DOCK9: variants seen among roughly 807,000 people sequenced by gnomAD.
DOCK9 encodes dedicator of cytokinesis 9, also known as dedicator of cytokinesis protein 9.
Under a neutral mutation model 263.3 loss-of-function variants are expected in DOCK9, and 89 were observed. That is an observed-to-expected ratio of 0.34 (90% CI 0.28 to 0.40). The LOEUF is 0.40. DOCK9 is among the 10% of genes least tolerant of loss of function. The pLI, the probability that DOCK9 is intolerant of heterozygous loss-of-function variation, is 1.00. For missense variants in DOCK9, 2,140 were observed against 2,603.4 expected (o/e 0.82, Z 3.87); for synonymous variants, 976 against 973.1 (o/e 1.00, Z -0.06).
chr13:99,084,581 C>T (rs534199018), intron 1 of DOCK9, among the ~76,000 whole-genome samples: 23 of 152,336 alleles, frequency 1.5e-4, no homozygotes, highest in African/African-American at 5.1e-4. Context: ...AGTAGGCCAT[C>T]CTCCGATGGG....
intron 1 of DOCK9, among the ~76,000 whole-genome samples, chr13:99,006,834 G>A (rs1489208581): frequency 6.6e-6 from 1 of 152,198 alleles, no homozygotes; most frequent in Non-Finnish European, 1.5e-5. Flanking sequence ...GCTCACACCT[G>A]TAATCCCAGC....
intron 1 of DOCK9, among the ~76,000 whole-genome samples, chr13:98,984,199 A>G (rs1268303100): frequency 6.6e-6 from 1 of 152,222 alleles, no homozygotes; most frequent in Non-Finnish European, 1.5e-5. Flanking sequence ...AGAGCCAACC[A>G]AAGTTCTGTG....
Position 98,797,179 on chromosome 13 carries a change from T to C in DOCK9, c.6092A>G (p.Gln2031Arg). The change falls in exon 52 of 53, where the codon CAG becomes CGG. Residue 2031 changes from glutamine to arginine, a missense_variant. Physicochemically the swap from Gln to Arg is conservative, Grantham distance 43. Around this residue, in one of 2 missense-constraint regions of DOCK9, gnomAD observed 619 missense variants for 861.8 expected, o/e 0.72. Coordinates refer to ENST00000682017, the MANE Select transcript of DOCK9 (RefSeq NM_001366683.2). ...RLIKEDQLEY[Q>R]EEMKANYREM... ...CCTGTAGTTGGCTTTCATTTCTTCC[T>C]GATACTCGAGCTGGTCTTCTTTAAT... is the stretch of plus-strand genomic sequence containing the variant. 6.2e-7 allele frequency: 1 copy of C among 1,613,976 alleles called. No homozygotes were observed.
At chr13:98,917,117 T>A (rs1284837818) in intron 7 of DOCK9, among the ~76,000 whole-genome samples, 1 of 152,198 alleles carries the variant, frequency 6.6e-6, no homozygotes, top group Admixed American at 6.5e-5. Context: ...GAGACTTCCA[T>A]TGAAGTCAGA....
intron 9 of DOCK9, among the ~76,000 whole-genome samples, chr13:98,906,899 A>T (rs1247980201): frequency 6.6e-6 from 1 of 152,166 alleles, no homozygotes; most frequent in African/African-American, 2.4e-5. Context: ...TAAAAATGTT[A>T]AACAAGATGA....
rs188106105 is a variant in DOCK9, at chr13:99,008,374, T to C, written c.130-52823A>G. Among the ~76,000 whole-genome samples, 664 of 151,650 alleles carry C rather than the reference T, an allele frequency of 4.4e-3. 8 individuals are homozygous for C. The highest frequency in any genetic ancestry group is 0.018 in the Admixed American group (269 of 15,228). ...TCAGCCTCCCGAGTAGCTGGGATTA[T>C]AGGTGCCTGCCACCACACCCAGCTA... On this transcript the variant is annotated intron_variant, in intron 1 of 32. Transcript: ENST00000427887.
intron 44 of DOCK9, among the ~76,000 whole-genome samples, chr13:98,826,393 A>G (rs1207707036): frequency 1.3e-5 from 2 of 152,300 alleles, no homozygotes; most frequent in South Asian, 4.1e-4. Flanking sequence ...CCTCTGGGAG[A>G]TAAGGTTTCC....
chr13:98,823,655 C>G (rs897681568), intron 45 of DOCK9, among the ~76,000 whole-genome samples: 3 of 152,138 alleles, frequency 2.0e-5, no homozygotes, highest in African/African-American at 7.2e-5. Flanking sequence ...CACAAAGAAC[C>G]CTTCAGGCAG....
In DOCK9 at chr13:98,825,498, C is replaced by T. The variant is rs1442162976; in HGVS notation, c.5024-994G>A. On this transcript the variant is annotated intron_variant, in intron 44 of 52. Transcript: ENST00000682017. The surrounding 1 kb of genome is among the most constrained non-coding windows in gnomAD (Gnocchi z 4.1). ...TCTACACTATTCATGGATTATCCAG[C>T]ATCTGCCACTATCCCAGTTTAGTTT... is the stretch of plus-strand genomic sequence containing the variant. Among the ~76,000 whole-genome samples, 2 of 152,198 alleles carry T rather than the reference C, an allele frequency of 1.3e-5. No homozygotes were observed. Among genetic ancestry groups the T allele is most frequent in the Non-Finnish European group, 2.9e-5 (2 of 68,036 alleles).
intron 36 of DOCK9, 112 bp downstream of exon 36, chr13:98,849,935 A>T: frequency 1.3e-6 from 1 of 745,234 alleles, no homozygotes; most frequent in East Asian, 2.8e-5. Flanking sequence ...TTAAGGAGTA[A>T]GTGAGGATGT....
intron 1 of DOCK9, among the ~76,000 whole-genome samples, chr13:99,011,501 A>G (rs1884468128): frequency 6.6e-6 from 1 of 152,232 alleles, no homozygotes; most frequent in South Asian, 2.1e-4. Context: ...GTTCCTCATG[A>G]AAAGCACAAC....
chr13:98,929,469 G>C (rs2053575021), intron 3 of DOCK9, among the ~76,000 whole-genome samples: 1 of 152,056 alleles, frequency 6.6e-6, no homozygotes, highest in African/African-American at 2.4e-5. Flanking sequence ...CTTGAACCCA[G>C]GAGAGGCAGA....
intron 2 of DOCK9, among the ~76,000 whole-genome samples, chr13:98,952,718 A>G (rs2057586262): frequency 6.6e-6 from 1 of 152,238 alleles, no homozygotes; most frequent in Non-Finnish European, 1.5e-5. Flanking sequence ...GCTCAAGATC[A>G]ACATGTGCCT....
intron 15 of DOCK9, among the ~76,000 whole-genome samples, chr13:98,895,373 T>A (rs1595073749): frequency 1.3e-5 from 2 of 151,500 alleles, no homozygotes; most frequent in East Asian, 2.0e-4. Context: ...TAAAAAAAAA[T>A]GTTCCCCCCT....
At chr13:99,068,689 T>G (rs376771063) in intron 1 of DOCK9, among the ~76,000 whole-genome samples, 1 of 151,866 alleles carries the variant, frequency 6.6e-6, no homozygotes, top group African/African-American at 2.4e-5. Context: ...AAAAATCATT[T>G]AACAGCAGTT....
Position 98,800,416 on chromosome 13 carries a change from G to A in DOCK9, c.5788C>T (p.Leu1930=), listed in dbSNP as rs774718708. 7 of 1,613,892 alleles carry A rather than the reference G, an allele frequency of 4.3e-6. No homozygotes were observed. The South Asian group carries it at 6.6e-5, about 15-fold the overall frequency. Residue 1930 remains leucine, a synonymous_variant, in exon 50 of 53, where the codon CTG becomes TTG. Coordinates refer to ENST00000682017, the MANE Select transcript of DOCK9 (RefSeq NM_001366683.2). ...TCAATGGCCACCTCGATGGGGTTCA[G>A]GTCAGTGTGGTGCTGGTACATGACA... is the stretch of plus-strand genomic sequence containing the variant. The part of the protein sequence containing the change: ...IPVMYQHHTD[L]NPIEVAIDEM...
At chr13:98,921,936 A>G in intron 6 of DOCK9, 115 bp downstream of exon 6, 1 of 925,856 alleles carries the variant, frequency 1.1e-6, no homozygotes. Context: ...TAGGAATCAG[A>G]CAATGTCCCT....
intron 7 of DOCK9, 47 bp from the exon 8 acceptor site, chr13:98,915,550 C>A: frequency 6.5e-7 from 1 of 1,533,470 alleles, no homozygotes; most frequent in Non-Finnish European, 8.8e-7. Context: ...AGAATTAGAA[C>A]TGCTTTAAAA....
At chr13:98,902,725 C>T (rs1252108287) in intron 11 of DOCK9, among the ~76,000 whole-genome samples, 1 of 152,228 alleles carries the variant, frequency 6.6e-6, no homozygotes, top group Non-Finnish European at 1.5e-5. Context: ...ATAGAAAACA[C>T]AGTTGCGTTC....
Sources: gnomAD v4.1 joint callset for allele counts (sites outside exome capture counted in the v4.1 genomes callset) on GRCh38, gnomAD v4.1.1 for gene constraint, gnomAD v4.1.1 regional missense constraint, Gnocchi (gnomAD v3.1) non-coding constraint, MANE v1.5 for transcripts, NCBI Gene and HGNC (gene_info 2026-07-23, HGNC 2026-07-21) for gene names.